Variants in XYLT1 observed in about 807,000 individuals in gnomAD.
The protein encoded by XYLT1 is beta-D-xylosyltransferase 1.
XYLT1 carries 36 observed loss-of-function variants against 91.3 expected under a neutral mutation model. That is an observed-to-expected ratio of 0.39 (90% CI 0.30 to 0.52). XYLT1 has a LOEUF of 0.52. XYLT1 is among the 20% of genes least tolerant of loss of function. XYLT1 has a pLI of 0.68. For synonymous variants in XYLT1, 588 were observed against 532.0 expected (o/e 1.11, Z -1.45); for missense variants, 1,242 against 1,284.5 (o/e 0.97, Z 0.51).
chr16:17,271,317 G>C (rs2033887082), intron 2 of XYLT1, among the ~76,000 whole-genome samples: 1 of 152,126 alleles, frequency 6.6e-6, no homozygotes, highest in Non-Finnish European at 1.5e-5. Flanking sequence ...GGGTGTGGTA[G>C]AGACACAGAG....
At chr16:17,448,065 A>G (rs999013169) in intron 1 of XYLT1, among the ~76,000 whole-genome samples, 5 of 152,224 alleles carry the variant, frequency 3.3e-5, no homozygotes, top group Non-Finnish European at 7.3e-5. Context: ...TATTTACTAA[A>G]TATTAAAAAT....
Position 17,381,896 on chromosome 16 carries a change from T to C in XYLT1, c.364-23846A>G, listed in dbSNP as rs112588124. 3.6e-3 allele frequency among the ~76,000 whole-genome samples: 544 copies of C among 152,134 alleles called. 3 individuals carry two copies. The highest frequency in any genetic ancestry group is 0.012 in the African/African-American group (500 of 41,570). Reference sequence around the variant, plus strand: ...ACTCAACTAACAGTGGCAATGGATGTGGGCTAACAGTGCACTTCAACTTTA... The same window carrying C: ...ACTCAACTAACAGTGGCAATGGATGCGGGCTAACAGTGCACTTCAACTTTA... On this transcript the variant is annotated intron_variant, in intron 1 of 11. Transcript: ENST00000261381.
At chr16:17,338,697 G>A (rs553960291) in intron 2 of XYLT1, 142 of 357,186 alleles carry the variant, frequency 4.0e-4, no homozygotes, top group African/African-American at 9.4e-4. Flanking sequence ...CAATGCTCCC[G>A]TCTCAGCTTC....
At chr16:17,277,891 C>A (rs1249843588) in intron 2 of XYLT1, among the ~76,000 whole-genome samples, 1 of 152,272 alleles carries the variant, frequency 6.6e-6, no homozygotes, top group Non-Finnish European at 1.5e-5. Context: ...CTGAGGCTCA[C>A]AGCGGTTATC....
chr16:17,217,408 T>C (rs1366704374), intron 3 of XYLT1, among the ~76,000 whole-genome samples: 3 of 152,236 alleles, frequency 2.0e-5, no homozygotes, highest in African/African-American at 4.8e-5. Context: ...AATATCACCA[T>C]TGTTAACAAA....
At chr16:17,382,208 C>T (rs904527731) in intron 1 of XYLT1, among the ~76,000 whole-genome samples, 2 of 151,886 alleles carry the variant, frequency 1.3e-5, no homozygotes, top group African/African-American at 4.8e-5. Flanking sequence ...ATTTGGGCCT[C>T]TCCATCTTTC....
Position 17,440,312 on chromosome 16 carries a change from A to C in XYLT1, c.363+30122T>G, listed in dbSNP as rs540448717. ...CTAATTAACACATATTCATTGAGAAAGCAAAGATTCAAGAGATGCACTGAA... is the reference window on the plus strand; with the variant it reads ...CTAATTAACACATATTCATTGAGAACGCAAAGATTCAAGAGATGCACTGAA... On this transcript the variant is annotated intron_variant, in intron 1 of 11. Transcript: ENST00000261381. 2.6e-5 allele frequency among the ~76,000 whole-genome samples: 4 copies of C among 152,386 alleles called. No homozygotes were observed. In the South Asian group the frequency reaches 8.3e-4, roughly 32 times the overall value.
At chr16:17,198,129 CCTT>C (rs2032466620) in intron 5 of XYLT1, 80 bp downstream of exon 5, 6 of 1,441,050 alleles carry the variant, frequency 4.2e-6, no homozygotes, top group Admixed American at 1.7e-5. Flanking sequence ...GCATCAGTCT[CCTT>C]CTGCCTCGTG....
intron 2 of XYLT1, among the ~76,000 whole-genome samples, chr16:17,313,025 C>T (rs1335326625): frequency 6.6e-6 from 1 of 152,216 alleles, no homozygotes; most frequent in African/African-American, 2.4e-5. Context: ...CATGTCCGCC[C>T]AGGGCCATGG....
At chr16:17,153,681 T>C (rs1264729148) in intron 6 of XYLT1, among the ~76,000 whole-genome samples, 1 of 152,096 alleles carries the variant, frequency 6.6e-6, no homozygotes, top group Non-Finnish European at 1.5e-5. Context: ...TTTTATAAAT[T>C]TGTTGATACA....
chr16:17,313,058 G>T (rs1228062180), intron 2 of XYLT1, among the ~76,000 whole-genome samples: 1 of 152,208 alleles, frequency 6.6e-6, no homozygotes, highest in East Asian at 1.9e-4. Flanking sequence ...AGCCTTGTTG[G>T]CTCCTGGATA....
chr16:17,315,483 A>G (rs1160391417), intron 2 of XYLT1, among the ~76,000 whole-genome samples: 2 of 152,204 alleles, frequency 1.3e-5, no homozygotes, highest in Non-Finnish European at 2.9e-5. Flanking sequence ...TTCTGCTTCT[A>G]TCTCAGCACT....
intron 2 of XYLT1, among the ~76,000 whole-genome samples, chr16:17,323,175 T>C (rs967179718): frequency 1.3e-5 from 2 of 152,200 alleles, no homozygotes; most frequent in African/African-American, 4.8e-5. Context: ...CAATCAACAC[T>C]GGTTGAGTTC....
intron 3 of XYLT1, among the ~76,000 whole-genome samples, chr16:17,214,478 CCT>C (rs1249533586): frequency 6.6e-6 from 1 of 152,168 alleles, no homozygotes; most frequent in Admixed American, 6.5e-5. Flanking sequence ...ATGTCTTTCC[CCT>C]GTCTCCTATG....
At chr16:17,376,865 T>C (rs991867032) in intron 1 of XYLT1, among the ~76,000 whole-genome samples, 18 of 127,150 alleles carry the variant, frequency 1.4e-4, no homozygotes, top group Admixed American at 8.0e-4. Flanking sequence ...AGGGACCAAA[T>C]GACGAATGAA....
chr16:17,456,436 C>T (rs1425323382), intron 1 of XYLT1, among the ~76,000 whole-genome samples: 1 of 149,060 alleles, frequency 6.7e-6, no homozygotes, highest in African/African-American at 2.5e-5. Flanking sequence ...CTCCCAGGGT[C>T]AAGTGATCCT....
chr16:17,428,016 C>T (rs868772915), intron 1 of XYLT1, among the ~76,000 whole-genome samples: 12 of 152,064 alleles, frequency 7.9e-5, no homozygotes, highest in African/African-American at 1.2e-4. Context: ...TTTGAGACAG[C>T]GTCTCACTCT....
chr16:17,411,417 A>G (rs6498704), intron 1 of XYLT1, among the ~76,000 whole-genome samples: 93,028 of 152,026 alleles, frequency 0.61, 29,640 homozygotes, highest in African/African-American at 0.72. Flanking sequence ...GTGTCATTCT[A>G]CAAGGAATGC....
chr16:17,180,937 C>T lies in XYLT1; in HGVS notation c.1289+17275G>A, dbSNP rs568154180. ...ATGTCCAAATCACTTTCTGATATTG[C>T]CTGGGGCCACCAGGGGAGGGTCAGA... On this transcript the variant is annotated intron_variant, in intron 5 of 11. Coordinates refer to ENST00000261381, the MANE Select transcript of XYLT1 (RefSeq NM_022166.4). 2.2e-4 allele frequency among the ~76,000 whole-genome samples: 33 copies of T among 152,200 alleles called. 1 individual carries two copies. The South Asian group carries it at 6.2e-3, about 29-fold the overall frequency.
Sources: gnomAD v4.1 joint callset for allele counts (sites outside exome capture counted in the v4.1 genomes callset) on GRCh38, gnomAD v4.1.1 for gene constraint, MANE v1.5 for transcripts, NCBI Gene and HGNC (gene_info 2026-07-23, HGNC 2026-07-21) for gene names.